Variants in KIF26B observed in about 807,000 individuals in gnomAD.
KIF26B encodes the protein kinesin-like protein KIF26B.
Under a neutral mutation model 151.2 loss-of-function variants are expected in KIF26B, and 63 were observed. The ratio of observed to expected loss-of-function variants is 0.42; its 90% CI spans 0.34 to 0.51. The LOEUF (loss-of-function observed/expected upper bound fraction) is 0.51, where lower values mean the gene tolerates loss of function less well. KIF26B is among the 20% of genes least tolerant of loss of function. The probability of loss-of-function intolerance (pLI) is 0.07; values close to 1 mark genes in which losing one functional copy is unlikely to be tolerated. For missense variants in KIF26B, 2,813 were observed against 2,913.6 expected (o/e 0.97, Z 0.79); for synonymous variants, 1,357 against 1,262.1 (o/e 1.08, Z -1.59).
chr1:245,698,187 TC>T lies in KIF26B; in HGVS notation c.5908del (p.Arg1970AlafsTer49). 6.2e-7 allele frequency: 1 copy of T among 1,614,000 alleles called. No individual in the cohort carries two copies. On this transcript the variant is annotated frameshift_variant, in exon 13 of 15. Coordinates refer to ENST00000407071, the MANE Select transcript of KIF26B (RefSeq NM_018012.4). LOFTEE classifies it high-confidence loss of function. The surrounding 1 kb of genome is among the most constrained non-coding windows in gnomAD (Gnocchi z 4.0). ...AGAAAACCCCCCAACAGCACAGGCG[TC>T]CGCTGGGTGGATGGCCCCTTGCGGA... Reference protein sequence around the residue: ...PVRKPPNSTGVRWVDGPLRSS... With the variant: ...PVRKPPNSTGXRWVDGPLRSS...
chr1:245,698,227 C>A lies in KIF26B; in HGVS notation c.5946C>A (p.Gly1982=). The change falls in exon 13 of 15, where the codon GGC becomes GGA. Residue 1982 remains glycine (G), a synonymous_variant. Transcript: ENST00000407071. The surrounding 1 kb of genome is among the most constrained non-coding windows in gnomAD (Gnocchi z 4.0). The part of the protein sequence containing the change: ...VDGPLRSSPR[G]LGEPFEIKVY... The stretch of plus-strand genomic sequence containing the variant: ...GCCCCTTGCGGAGCAGCCCGAGGGG[C>A]CTTGGGGAACCCTTTGAGATTAAAG... 3 of 1,613,984 alleles carry A rather than the reference C, an allele frequency of 1.9e-6. No homozygotes were observed. The highest frequency in any genetic ancestry group is 2.5e-6 in the Non-Finnish European group (3 of 1,179,886).
At chr1:245,485,547 C>T (rs1660263626) in intron 4 of KIF26B, among the ~76,000 whole-genome samples, 1 of 152,128 alleles carries the variant, frequency 6.6e-6, no homozygotes, top group Admixed American at 6.5e-5. Context: ...CCACTCCTGG[C>T]TAACTTTTGT....
chr1:245,392,727 T>G (rs963795633), intron 3 of KIF26B, among the ~76,000 whole-genome samples: 3 of 152,238 alleles, frequency 2.0e-5, no homozygotes, highest in African/African-American at 7.2e-5. Flanking sequence ...GCATCCTTTG[T>G]GCTGGCACTT....
In KIF26B at chr1:245,592,050, G is replaced by A. The variant is rs184928957; in HGVS notation, c.1351-10527G>A. ...GAATTTCCTTCCCCCTCCGCTCCCC[G>A]AAGCGCTTCTTAGAGCACATCTCAT... On this transcript the variant is annotated intron_variant, in intron 5 of 14. Transcript: ENST00000407071. Among the ~76,000 whole-genome samples the A allele has an allele frequency of 7.2e-5, 11 of 152,270 alleles. No individual in the cohort carries two copies. The East Asian group carries it at 2.1e-3, about 29-fold the overall frequency.
chr1:245,661,753 C>T (rs1267926801), intron 10 of KIF26B, among the ~76,000 whole-genome samples: 1 of 148,748 alleles, frequency 6.7e-6, no homozygotes, highest in Non-Finnish European at 1.5e-5. Flanking sequence ...TATATACACA[C>T]ACCCTATATG....
In KIF26B at chr1:245,687,748, C is replaced by A. The variant is rs867533441; in HGVS notation, c.4765C>A (p.Leu1589Met). 4.4e-6 allele frequency: 7 copies of A among 1,578,102 alleles called. No homozygotes were observed. In the East Asian group the frequency reaches 1.7e-4, roughly 37 times the overall value. Residue 1589 changes from leucine (L) to methionine (M), a missense_variant, in exon 12 of 15, where the codon CTG becomes ATG. By Grantham distance (15) the Leu-to-Met change is conservative. Coordinates refer to ENST00000407071, the MANE Select transcript of KIF26B (RefSeq NM_018012.4). The surrounding 1 kb of genome is among the most constrained non-coding windows in gnomAD (Gnocchi z 4.9). ...GKVASPKHCVLARPKGTPPLP... is the reference protein window; with the variant it reads ...GKVASPKHCVMARPKGTPPLP... ...GGTGGCTTCCCCCAAGCACTGTGTTCTGGCTCGGCCCAAAGGGACTCCCCC... is the reference window on the plus strand; with the variant it reads ...GGTGGCTTCCCCCAAGCACTGTGTTATGGCTCGGCCCAAAGGGACTCCCCC...
intron 4 of KIF26B, among the ~76,000 whole-genome samples, chr1:245,493,896 C>T (rs1660457224): frequency 6.6e-6 from 1 of 152,130 alleles, no homozygotes; most frequent in Non-Finnish European, 1.5e-5. Flanking sequence ...CTGGATACTC[C>T]AGTCGTTGTC....
intron 2 of KIF26B, among the ~76,000 whole-genome samples, chr1:245,282,446 G>A (rs1012653595): frequency 6.6e-6 from 1 of 152,164 alleles, no homozygotes; most frequent in Non-Finnish European, 1.5e-5. Context: ...TAGAAACTGG[G>A]TCCACCCAAA....
chr1:245,297,918 G>C (rs941666297), intron 2 of KIF26B, among the ~76,000 whole-genome samples: 1 of 151,960 alleles, frequency 6.6e-6, no homozygotes, highest in Non-Finnish European at 1.5e-5. Flanking sequence ...ACAGAGTCTT[G>C]CTCTGTTGCC....
chr1:245,687,275 C>T lies in KIF26B; in HGVS notation c.4292C>T (p.Ala1431Val). 2 of 1,610,894 alleles carry T rather than the reference C, an allele frequency of 1.2e-6. No homozygotes were observed. Among genetic ancestry groups the T allele is most frequent in the Non-Finnish European group, 1.7e-6 (2 of 1,179,058 alleles). ...TCCCGGGAGAGTAAGGAAAACAGTGCAAAGAAAGAGATGAAATTTGAGGAC... is the reference window on the plus strand; with the variant it reads ...TCCCGGGAGAGTAAGGAAAACAGTGTAAAGAAAGAGATGAAATTTGAGGAC... Reference protein sequence around the residue: ...AQSRESKENSAKKEMKFEDPW... With the variant: ...AQSRESKENSVKKEMKFEDPW... The change falls in exon 12 of 15, where the codon GCA (alanine) becomes GTA (valine). Residue 1431 changes from alanine (A) to valine (V), a missense_variant. This residue lies in a region of KIF26B where 2,060 missense variants were observed against 2,088.6 expected (regional missense o/e 0.99). Coordinates refer to ENST00000407071, the MANE Select transcript of KIF26B (RefSeq NM_018012.4). This position sits in a 1 kb window ranked among gnomAD's most constrained non-coding sequence, Gnocchi z 4.9.
intron 5 of KIF26B, among the ~76,000 whole-genome samples, chr1:245,559,374 T>A (rs1224328790): frequency 6.6e-6 from 1 of 152,152 alleles, no homozygotes; most frequent in African/African-American, 2.4e-5. Context: ...ATTTAAGGAA[T>A]TCTGTTTTTA....
intron 2 of KIF26B, among the ~76,000 whole-genome samples, chr1:245,164,075 T>C (rs1573681527): frequency 6.6e-6 from 1 of 152,358 alleles, no homozygotes; most frequent in African/African-American, 2.4e-5. Flanking sequence ...TATTAAGATG[T>C]TGGCTTTTGG....
At position 245,184,047 on chromosome 1, in the gene KIF26B, G is replaced by GTTT. The variant is rs1469137088; in HGVS notation, c.465+27366_465+27367insTTT. Among the ~76,000 whole-genome samples the GTTT allele has an allele frequency of 8.0e-3, 74 of 9,224 alleles. 1 individual carries two copies. Among genetic ancestry groups the GTTT allele is most frequent in the Non-Finnish European group, 0.012 (53 of 4,496 alleles). 6.1% of individuals were successfully genotyped at this position (9,224 alleles called of 152,430 possible). A position where few individuals can be genotyped will look rare whatever the true frequency, so the allele number is the denominator to read the frequency against. ...CCTGCAACAGGTATGGGTGGGAGTTGTTGTTTTTTTTTTTTTTTTTTTGAG... is the reference window on the plus strand; with the variant it reads ...CCTGCAACAGGTATGGGTGGGAGTTGTTTTTGTTTTTTTTTTTTTTTTTTTGAG... On this transcript the variant is annotated intron_variant, in intron 2 of 14. Transcript: ENST00000407071.
rs988119666 is a variant in KIF26B, at chr1:245,336,638, T to G, written c.466-30196T>G. ...GAGCACTCATTCTTGGGAGAGCACCTGAAGCCGCCTCCAGGTTTAGTCATT... is the reference window on the plus strand; with the variant it reads ...GAGCACTCATTCTTGGGAGAGCACCGGAAGCCGCCTCCAGGTTTAGTCATT... On this transcript the variant is annotated intron_variant, in intron 2 of 14. Transcript: ENST00000407071. 8.5e-5 allele frequency among the ~76,000 whole-genome samples: 13 copies of G among 152,318 alleles called. No homozygotes were observed. In the East Asian group the frequency reaches 2.5e-3, roughly 29 times the overall value.
intron 4 of KIF26B, among the ~76,000 whole-genome samples, chr1:245,484,017 C>A (rs1300742348): frequency 1.3e-5 from 2 of 151,780 alleles, no homozygotes; most frequent in Non-Finnish European, 2.9e-5. Context: ...TTTCCTCATT[C>A]TAATGCCCTC....
chr1:245,434,973 G>GTCCA (rs371849206), intron 4 of KIF26B, among the ~76,000 whole-genome samples: 61,483 of 135,168 alleles, frequency 0.45, 13,659 homozygotes, highest in Admixed American at 0.54. Flanking sequence ...ATGCTCTTTT[G>GTCCA]TCCATCCATC....
At chr1:245,324,897 C>T (rs1206194678) in intron 2 of KIF26B, among the ~76,000 whole-genome samples, 1 of 152,060 alleles carries the variant, frequency 6.6e-6, no homozygotes, top group East Asian at 1.9e-4. Context: ...GAGTTCGAGA[C>T]CAGCCTGGCC....
chr1:245,251,708 T>TG (rs2103565333), intron 2 of KIF26B, among the ~76,000 whole-genome samples: 1 of 152,316 alleles, frequency 6.6e-6, no homozygotes, highest in South Asian at 2.1e-4. Flanking sequence ...TTGTGATGCT[T>TG]CCTCTGGCAT....
intron 4 of KIF26B, among the ~76,000 whole-genome samples, chr1:245,420,610 G>A (rs894506491): frequency 2.0e-5 from 3 of 152,218 alleles, no homozygotes; most frequent in Non-Finnish European, 4.4e-5. Flanking sequence ...GAATAAATGC[G>A]ATAGCATCAG....
Sources: allele counts gnomAD v4.1 joint callset (sites outside exome capture counted in the v4.1 genomes callset), GRCh38; gene constraint gnomAD v4.1.1; regional missense constraint gnomAD v4.1.1; non-coding constraint Gnocchi (gnomAD v3.1); transcripts MANE v1.5; gene names NCBI Gene and HGNC (gene_info 2026-07-23, HGNC 2026-07-21).